MTUS1: variants seen among roughly 807,000 people sequenced by gnomAD.
MTUS1 encodes microtubule associated scaffold protein 1.
A neutral mutation model predicts 120.8 loss-of-function variants in MTUS1; 109 were observed. The observed-to-expected ratio is 0.90, with a 90% CI of 0.77 to 1.06. The LOEUF (loss-of-function observed/expected upper bound fraction) is 1.06. Among genes scored for constraint, MTUS1 ranks in the 50% least tolerant of loss-of-function variants. MTUS1 has a pLI of 0.00. For synonymous variants in MTUS1, 737 were observed against 550.5 expected (o/e 1.34, Z -4.74); for missense variants, 2,210 against 1,486.3 (o/e 1.49, Z -8.01).
chr8:17,786,988 C>T (rs925929882), intron 1 of MTUS1, among the ~76,000 whole-genome samples: 29 of 152,198 alleles, frequency 1.9e-4, no homozygotes, highest in African/African-American at 6.0e-4. Flanking sequence ...AGACTCTTTC[C>T]TAGTACACTT....
At chr8:17,658,831 C>T (rs934240088) in intron 8 of MTUS1, among the ~76,000 whole-genome samples, 3 of 152,130 alleles carry the variant, frequency 2.0e-5, no homozygotes, top group Non-Finnish European at 2.9e-5. Flanking sequence ...ATACCCAAGT[C>T]ACTTGCCCCC....
At chr8:17,652,371 G>A (rs1048793291) in intron 12 of MTUS1, among the ~76,000 whole-genome samples, 1 of 152,110 alleles carries the variant, frequency 6.6e-6, no homozygotes, top group Admixed American at 6.6e-5. Context: ...TTTATACTAA[G>A]TAAACGACGC....
In MTUS1 at chr8:17,656,062, G is replaced by C. The variant is rs1482109033; in HGVS notation, c.2909C>G (p.Thr970Ser). 6.2e-7 allele frequency: 1 copy of C among 1,614,154 alleles called. No homozygotes were observed. Among genetic ancestry groups the C allele is most frequent in the Non-Finnish European group, 8.5e-7 (1 of 1,180,008 alleles). Residue 970 changes from threonine (T) to serine (S), a missense_variant, in exon 9 of 15, where the codon ACT (threonine) becomes AGT (serine). Transcript: ENST00000693296. ...TAATTTCTCACAGGTGGTTGAAGCA[G>C]TGACTGAAAACAGAGGAGAAAGAAG... The part of the protein sequence containing the change: ...ELVNLRGELV[T>S]ASTTCEKLEK...
intron 3 of MTUS1, among the ~76,000 whole-genome samples, chr8:17,739,794 T>G (rs1225052345): frequency 6.6e-6 from 1 of 152,224 alleles, no homozygotes; most frequent in South Asian, 2.1e-4. Flanking sequence ...CTGCTATCAT[T>G]GACATTATAA....
At chr8:17,739,662 G>A (rs2047172757) in intron 3 of MTUS1, among the ~76,000 whole-genome samples, 1 of 152,106 alleles carries the variant, frequency 6.6e-6, no homozygotes, top group African/African-American at 2.4e-5. Flanking sequence ...TAACTTTTCT[G>A]TGGAAGATTC....
chr8:17,742,287 TG>T lies in MTUS1; in HGVS notation c.2287+1316del, dbSNP rs1453200914. 6.1e-4 allele frequency among the ~76,000 whole-genome samples: 49 copies of T among 80,758 alleles called. 1 individual carries two copies. Among genetic ancestry groups the T allele is most frequent in the African/African-American group, 2.6e-3 (40 of 15,664 alleles). The allele number at this position is 80,758 out of a possible 152,430, so 53.0% of individuals were successfully genotyped here. A position where few individuals can be genotyped will look rare whatever the true frequency, so the allele number is the denominator to read the frequency against. ...CCCAGCTGTTTTTTTTTTTTGTTGT[TG>T]TTGTTTTTTTTTTTTTTTTTTTTAG... On this transcript the variant is annotated intron_variant, in intron 3 of 14. Coordinates refer to ENST00000693296, the MANE Select transcript of MTUS1 (RefSeq NM_001363059.2).
chr8:17,647,528 G>A (rs1036909708), intron 13 of MTUS1, among the ~76,000 whole-genome samples: 1 of 151,822 alleles, frequency 6.6e-6, no homozygotes, highest in African/African-American at 2.4e-5. Flanking sequence ...CCCTGGCAAC[G>A]TTTACTATGG....
chr8:17,733,681 T>C (rs1037044089), intron 3 of MTUS1, among the ~76,000 whole-genome samples: 1 of 152,200 alleles, frequency 6.6e-6, no homozygotes, highest in Non-Finnish European at 1.5e-5. Flanking sequence ...CAGCCTCTTC[T>C]TTGTTGACTG....
rs1445955678 is a variant in MTUS1 at position 17,647,066 on chromosome 8, GTGT to G, written c.3512_3514del (p.Asn1171del). On this transcript the variant is annotated inframe_deletion, in exon 14 of 15. Coordinates refer to ENST00000693296, the MANE Select transcript of MTUS1 (RefSeq NM_001363059.2). The stretch of plus-strand genomic sequence containing the variant: ...ACGCTTCAATTTGTCAACCAATGCT[GTGT>G]TGTTGTCCACCTTGGCATAAACAAG... 1.2e-6 allele frequency: 2 copies of G among 1,613,614 alleles called. No individual in the cohort carries two copies. The highest frequency in any genetic ancestry group is 1.7e-6 in the Non-Finnish European group (2 of 1,179,754).
chr8:17,800,995 G>A (rs888314238), intron 1 of MTUS1, 66 bp downstream of exon 1: 2 of 152,144 alleles, frequency 1.3e-5, no homozygotes, highest in African/African-American at 4.8e-5. Flanking sequence ...CCTGGGCGGC[G>A]CGCTCGCCTG....
At chr8:17,668,233 G>A (rs765935925) in intron 8 of MTUS1, among the ~76,000 whole-genome samples, 1 of 152,016 alleles carries the variant, frequency 6.6e-6, no homozygotes, top group South Asian at 2.1e-4. Context: ...TTTTCTTTTC[G>A]TCATCAGCTA....
At chr8:17,765,618 CAAA>C (rs3039983) in intron 1 of MTUS1, among the ~76,000 whole-genome samples, 15 of 94,484 alleles carry the variant, frequency 1.6e-4, no homozygotes, top group African/African-American at 5.0e-4. Context: ...GACTCTGTCT[CAAA>C]AAAAAAAAAA....
chr8:17,779,642 A>G (rs78095564), intron 1 of MTUS1, among the ~76,000 whole-genome samples: 2,134 of 152,328 alleles, frequency 0.014, 46 homozygotes, highest in African/African-American at 0.047. Flanking sequence ...ACCTCTTCAC[A>G]ATACGGGAAT....
At chr8:17,761,017 G>C (rs754921285) in intron 1 of MTUS1, among the ~76,000 whole-genome samples, 5 of 151,896 alleles carry the variant, frequency 3.3e-5, no homozygotes, top group Non-Finnish European at 7.4e-5. Flanking sequence ...AAAACAAGGA[G>C]ATCTTTTTCA....
chr8:17,789,283 G>A (rs1317166267), intron 1 of MTUS1, among the ~76,000 whole-genome samples: 1 of 152,076 alleles, frequency 6.6e-6, no homozygotes, highest in Non-Finnish European at 1.5e-5. Flanking sequence ...TGCCCGCCTT[G>A]GCCTCCCAAA....
At chr8:17,688,997 G>A (rs1816408508) in intron 6 of MTUS1, among the ~76,000 whole-genome samples, 2 of 152,110 alleles carry the variant, frequency 1.3e-5, no homozygotes, top group South Asian at 4.1e-4. Context: ...AGATCACAAA[G>A]TCACGTGATT....
intron 1 of MTUS1, among the ~76,000 whole-genome samples, chr8:17,765,840 T>C (rs1420562060): frequency 1.3e-5 from 2 of 152,000 alleles, no homozygotes; most frequent in Non-Finnish European, 2.9e-5. Flanking sequence ...CATCTCTTCA[T>C]AAAAATAACC....
intron 3 of MTUS1, among the ~76,000 whole-genome samples, chr8:17,731,267 G>A (rs994205398): frequency 6.6e-6 from 1 of 152,114 alleles, no homozygotes; most frequent in Non-Finnish European, 1.5e-5. Flanking sequence ...GAGGTAGATC[G>A]TCTAGGTTCA....
At position 17,646,114 on chromosome 8, in the gene MTUS1, G is replaced by T; in HGVS notation, c.3625C>A (p.Leu1209Met). Residue 1209 changes from leucine to methionine, a missense_variant, in exon 15 of 15, where the codon CTG becomes ATG. Physicochemically the swap from Leu to Met is conservative, Grantham distance 15. Coordinates refer to ENST00000693296, the MANE Select transcript of MTUS1 (RefSeq NM_001363059.2). ...GACTCCTTCTCCAGCGACTCTTGCAGAACAGCCTGCTCCGTGGAAAGCTGC... is the reference window on the plus strand; with the variant it reads ...GACTCCTTCTCCAGCGACTCTTGCATAACAGCCTGCTCCGTGGAAAGCTGC... ...SRQLSTEQAV[L>M]QESLEKESKV... 6.2e-7 allele frequency: 1 copy of T among 1,612,542 alleles called. No homozygotes were observed. Among genetic ancestry groups the T allele is most frequent in the African/African-American group, 1.3e-5 (1 of 74,758 alleles).
Sources: allele counts gnomAD v4.1 joint callset (sites outside exome capture counted in the v4.1 genomes callset), GRCh38; gene constraint gnomAD v4.1.1; transcripts MANE v1.5; gene names NCBI Gene and HGNC (gene_info 2026-07-23, HGNC 2026-07-21).